The following MARK1 variants were observed in gnomAD, a reference collection of about 807,000 sequenced individuals.
The protein encoded by MARK1 is microtubule affinity regulating kinase 1.
Under a neutral mutation model 96.3 loss-of-function variants are expected in MARK1, and 40 were observed. The ratio of observed to expected loss-of-function variants is 0.42; its 90% CI spans 0.32 to 0.54. MARK1 has a LOEUF of 0.54. Among genes scored for constraint, MARK1 ranks in the 20% least tolerant of loss-of-function variants. MARK1 has a pLI of 0.16. For synonymous variants in MARK1, 317 were observed against 341.2 expected (o/e 0.93, Z 0.78); for missense variants, 719 against 984.6 (o/e 0.73, Z 3.61).
chr1:220,617,019 G>T (rs893300303), intron 7 of MARK1, among the ~76,000 whole-genome samples: 4 of 152,096 alleles, frequency 2.6e-5, no homozygotes, highest in African/African-American at 9.7e-5. Flanking sequence ...AGGCAGCTTG[G>T]ATACTTTGAT....
chr1:220,627,658 A>G (rs781160855), intron 9 of MARK1: 22 of 183,192 alleles, frequency 1.2e-4, no homozygotes, highest in Non-Finnish European at 2.4e-4. Context: ...CCATCCTTCC[A>G]TCCTTCCCCA....
At chr1:220,535,615 T>C (rs534101768) in intron 1 of MARK1, among the ~76,000 whole-genome samples, 15 of 152,300 alleles carry the variant, frequency 9.8e-5, no homozygotes, top group African/African-American at 3.4e-4. Flanking sequence ...GCTCTTCTCC[T>C]ATGTTTTCTT....
At chr1:220,576,358 A>T (rs137891027) in intron 1 of MARK1, among the ~76,000 whole-genome samples, 2 of 151,676 alleles carry the variant, frequency 1.3e-5, no homozygotes, top group Non-Finnish European at 2.9e-5. Context: ...TTGAGACACA[A>T]CAAGGCCTCT....
At chr1:220,535,512 G>A (rs1660624545) in intron 1 of MARK1, among the ~76,000 whole-genome samples, 1 of 152,030 alleles carries the variant, frequency 6.6e-6, no homozygotes, top group Non-Finnish European at 1.5e-5. Context: ...AAGCTTTTTA[G>A]TTTGATTTAG....
At chr1:220,625,098 A>G (rs899794063) in intron 9 of MARK1, among the ~76,000 whole-genome samples, 3 of 152,214 alleles carry the variant, frequency 2.0e-5, no homozygotes, top group African/African-American at 7.2e-5. Context: ...ACATTATTTT[A>G]AAACACTACC....
At chr1:220,560,162 A>G (rs1042480625) in intron 1 of MARK1, among the ~76,000 whole-genome samples, 4 of 152,116 alleles carry the variant, frequency 2.6e-5, no homozygotes, top group African/African-American at 4.8e-5. Flanking sequence ...TGAGAACAGT[A>G]TGGGGGAAAC....
chr1:220,615,495 CA>C (rs1241561026), intron 6 of MARK1, among the ~76,000 whole-genome samples: 2 of 152,132 alleles, frequency 1.3e-5, no homozygotes, highest in Non-Finnish European at 2.9e-5. Context: ...ACTAAAGAAA[CA>C]TGCCTTGAAC....
chr1:220,661,872 T>C lies in MARK1; in HGVS notation c.2094T>C (p.Arg698=), dbSNP rs771130182. 6.2e-7 allele frequency: 1 copy of C among 1,614,212 alleles called. No individual in the cohort carries two copies. Among genetic ancestry groups the C allele is most frequent in the Non-Finnish European group, 8.5e-7 (1 of 1,180,026 alleles). The change falls in exon 18 of 18, where the codon CGT becomes CGC. Residue 698 remains arginine (R), a synonymous_variant. Transcript: ENST00000366917. ...AAGAGGGTAAAGATTCTAAGCCGCGTTCTTTGCGGTTCACATGGAGTATGA... is the reference window on the plus strand; with the variant it reads ...AAGAGGGTAAAGATTCTAAGCCGCGCTCTTTGCGGTTCACATGGAGTATGA... ...DKEEGKDSKP[R]SLRFTWSMKT...
chr1:220,652,411 C>G (rs1668932239), intron 15 of MARK1, among the ~76,000 whole-genome samples: 1 of 152,050 alleles, frequency 6.6e-6, no homozygotes, highest in Admixed American at 6.6e-5. Flanking sequence ...TTAAAAATTG[C>G]TGTTTAATTT....
chr1:220,551,400 A>G (rs1661844153), intron 1 of MARK1, among the ~76,000 whole-genome samples: 1 of 152,222 alleles, frequency 6.6e-6, no homozygotes, highest in Non-Finnish European at 1.5e-5. Flanking sequence ...TGGGAAACGG[A>G]GTTCCAGTTT....
rs73105448 is a variant in MARK1, at chr1:220,611,522, G to A, written c.496-4417G>A. ...GGAAAGGGAAATACCCCAACCCCTC[G>A]TGCCTCCCTGCCCTGCTTCAGCTCG... On this transcript the variant is annotated intron_variant, in intron 6 of 17. Transcript: ENST00000366917. Among the ~76,000 whole-genome samples, 259 of 152,070 alleles carry A rather than the reference G, an allele frequency of 1.7e-3. 2 individuals are homozygous for A. Among genetic ancestry groups the A allele is most frequent in the African/African-American group, 5.6e-3 (231 of 41,496 alleles).
chr1:220,542,174 G>T (rs1257244999), intron 1 of MARK1, among the ~76,000 whole-genome samples: 1 of 152,016 alleles, frequency 6.6e-6, no homozygotes, highest in Admixed American at 6.5e-5. Context: ...TTTCTCTTAA[G>T]CTTGTCTGCC....
intron 3 of MARK1, among the ~76,000 whole-genome samples, chr1:220,582,576 C>T (rs1664313109): frequency 6.6e-6 from 1 of 151,976 alleles, no homozygotes; most frequent in Admixed American, 6.6e-5. Context: ...GTTACTCTGG[C>T]AAATTGAGTG....
chr1:220,657,800 GA>G lies in MARK1; in HGVS notation c.2001del (p.Gly668AlafsTer39). 2 of 1,578,090 alleles carry G rather than the reference GA, an allele frequency of 1.3e-6. No individual in the cohort carries two copies. Among genetic ancestry groups the G allele is most frequent in the Admixed American group, 1.9e-5 (1 of 52,400 alleles). On this transcript the variant is annotated frameshift_variant, in exon 17 of 18. Coordinates refer to ENST00000366917, the MANE Select transcript of MARK1 (RefSeq NM_018650.5). LOFTEE classifies it high-confidence loss of function. The stretch of plus-strand genomic sequence containing the variant: ...TCACTTTGTTTTGAGGGATCCAAGT[GA>G]AGGCGAAGCCAGTGGCAGAACCGAC... ...TSKFVRRDPS[E>X]GEASGRTDTS...
intron 1 of MARK1, among the ~76,000 whole-genome samples, chr1:220,552,052 C>T (rs569137173): frequency 4.6e-5 from 7 of 152,164 alleles, no homozygotes; most frequent in South Asian, 2.1e-4. Flanking sequence ...AGATATAGTC[C>T]GTCTTACAGA....
At chr1:220,605,847 TC>T (rs1039229840) in intron 6 of MARK1, among the ~76,000 whole-genome samples, 1 of 152,184 alleles carries the variant, frequency 6.6e-6, no homozygotes, top group Non-Finnish European at 1.5e-5. Context: ...CAGAAACTTA[TC>T]CTTTTTTATG....
At chr1:220,638,682 T>C (rs575384026) in intron 13 of MARK1, among the ~76,000 whole-genome samples, 34 of 152,268 alleles carry the variant, frequency 2.2e-4, no homozygotes, top group African/African-American at 7.7e-4. Flanking sequence ...TATTTATCAT[T>C]TTTTTAAAAA....
At chr1:220,558,010 C>T (rs1662400931) in intron 1 of MARK1, among the ~76,000 whole-genome samples, 1 of 151,858 alleles carries the variant, frequency 6.6e-6, no homozygotes, top group South Asian at 2.1e-4. Flanking sequence ...TGCACCTGTA[C>T]TCCCAGCTGC....
intron 5 of MARK1, among the ~76,000 whole-genome samples, chr1:220,603,571 AG>A (rs1665884231): frequency 6.6e-6 from 1 of 152,112 alleles, no homozygotes; most frequent in Non-Finnish European, 1.5e-5. Context: ...CACAGAGTAT[AG>A]GAAAGGAAAG....
Sources: allele counts gnomAD v4.1 joint callset (sites outside exome capture counted in the v4.1 genomes callset), GRCh38; gene constraint gnomAD v4.1.1; transcripts MANE v1.5; gene names NCBI Gene and HGNC (gene_info 2026-07-23, HGNC 2026-07-21).